The following ACCSL variants were observed in gnomAD, a reference collection of about 807,000 sequenced individuals.
The protein encoded by ACCSL is 1-aminocyclopropane-1-carboxylate synthase homolog (inactive) like.
In ACCSL, 55 loss-of-function variants were observed where a neutral mutation model predicts 61.7. The ratio of observed to expected loss-of-function variants is 0.89; its 90% CI spans 0.72 to 1.12. The LOEUF is 1.12. Among genes scored for constraint, ACCSL ranks in the 50% most tolerant of loss-of-function variants. The pLI, the probability that ACCSL is intolerant of heterozygous loss-of-function variation, is 0.00. For synonymous variants in ACCSL, 258 were observed against 264.3 expected, an observed-to-expected ratio of 0.98 and a Z score of 0.23; for missense variants, 632 against 698.0, an observed-to-expected ratio of 0.91 and a Z score of 1.07.
Position 44,048,550 on chromosome 11 carries a change from TGGGGTG to T in ACCSL, c.504+15_504+20del. On this transcript the variant is annotated intron_variant, in intron 1 of 13. Transcript: ENST00000378832. Reference sequence around the variant, plus strand: ...GGACAAGAACACCTTGGTGAGAATTTGGGGTGGGGGGTGGGCAGCATCCTCACGGGC... The same window carrying T: ...GGACAAGAACACCTTGGTGAGAATTTGGGGGTGGGCAGCATCCTCACGGGC... 1 of 273,132 alleles carries T rather than the reference TGGGGTG, an allele frequency of 3.7e-6. No homozygotes were observed. Among genetic ancestry groups the T allele is most frequent in the Non-Finnish European group, 6.0e-6 (1 of 166,648 alleles). The allele number at this position is 273,132 out of a possible 1,614,324, so 16.9% of individuals were successfully genotyped here. A position where few individuals can be genotyped will look rare whatever the true frequency, so the allele number is the denominator to read the frequency against.
At chr11:44,026,750 A>G in the ACCSL span, among the ~76,000 whole-genome samples, 355 of 150,496 alleles carry the variant, frequency 2.4e-3, no homozygotes, top group African/African-American at 8.4e-3. Context: ...TTTTTTTGAG[A>G]TGGAGTTTCA....
the ACCSL span, among the ~76,000 whole-genome samples, chr11:43,971,768 T>G: frequency 1.3e-4 from 20 of 152,270 alleles, no homozygotes; most frequent in South Asian, 3.9e-3. Context: ...TCTCATTGAC[T>G]CAAGCTGTCC....
intron 9 of ACCSL, 140 bp downstream of exon 9, chr11:44,055,431 G>A: frequency 1.7e-6 from 1 of 584,416 alleles, no homozygotes; most frequent in South Asian, 2.5e-5. Flanking sequence ...TACAAACAAA[G>A]CATCATCTTT....
At chr11:43,928,832 C>T in the ACCSL span, among the ~76,000 whole-genome samples, 1 of 152,252 alleles carries the variant, frequency 6.6e-6, no homozygotes, top group African/African-American at 2.4e-5. Context: ...TGGAAGCTGC[C>T]TTTCCGATAT....
the ACCSL span, among the ~76,000 whole-genome samples, chr11:44,007,902 G>A: frequency 0.18 from 27,541 of 151,988 alleles, 2,817 homozygotes; most frequent in East Asian, 0.35. Context: ...GGTGCAGTGA[G>A]ACCCGTCTCG....
At chr11:44,010,233 G>A in the ACCSL span, among the ~76,000 whole-genome samples, 2 of 152,098 alleles carry the variant, frequency 1.3e-5, no homozygotes, top group African/African-American at 2.4e-5. Context: ...CCAGCTACTC[G>A]GGAGGCTGAG....
chr11:44,057,876 G>C (rs747842149), intron 11 of ACCSL, among the ~76,000 whole-genome samples: 58 of 152,196 alleles, frequency 3.8e-4, no homozygotes, highest in Non-Finnish European at 2.1e-4. Flanking sequence ...ACTAGAGTTA[G>C]TCTTAGAAAT....
At chr11:44,052,864 G>C in intron 6 of ACCSL, 105 bp downstream of exon 6, 1 of 1,451,674 alleles carries the variant, frequency 6.9e-7, no homozygotes, top group Non-Finnish European at 9.7e-7. Flanking sequence ...TAAGTGGTTG[G>C]GTAGGGGTGG....
chr11:44,021,009 C>T, the ACCSL span, among the ~76,000 whole-genome samples: 10 of 151,982 alleles, frequency 6.6e-5, no homozygotes, highest in East Asian at 1.9e-3. Context: ...ATATGTATCA[C>T]ATTTTCTTTA....
chr11:44,055,366 G>A (rs1178604734), intron 9 of ACCSL, 75 bp downstream of exon 9: 3 of 1,171,124 alleles, frequency 2.6e-6, no homozygotes, highest in East Asian at 2.4e-5. Context: ...TATGTGACAT[G>A]AACTTAACTC....
the ACCSL span, among the ~76,000 whole-genome samples, chr11:43,973,400 T>C: frequency 6.8e-6 from 1 of 146,870 alleles, no homozygotes; most frequent in Non-Finnish European, 1.5e-5. Context: ...CTCTGTTCTT[T>C]GGTTTTGAGA....
At chr11:44,037,646 T>C in the ACCSL span, among the ~76,000 whole-genome samples, 1 of 152,236 alleles carries the variant, frequency 6.6e-6, no homozygotes. Flanking sequence ...GTTTTTCCAC[T>C]GGGTAAATCT....
At chr11:44,006,185 G>A in the ACCSL span, among the ~76,000 whole-genome samples, 2 of 152,206 alleles carry the variant, frequency 1.3e-5, no homozygotes, top group Non-Finnish European at 2.9e-5. Context: ...CCAGGGCCTG[G>A]CTAGACCCTT....
chr11:43,947,946 A>G, the ACCSL span, among the ~76,000 whole-genome samples: 1 of 152,156 alleles, frequency 6.6e-6, no homozygotes, highest in Non-Finnish European at 1.5e-5. Context: ...GGCCTGTCCA[A>G]GGAGTCACCT....
chr11:44,035,904 C>T, the ACCSL span, among the ~76,000 whole-genome samples: 2 of 142,128 alleles, frequency 1.4e-5, no homozygotes, highest in African/African-American at 5.3e-5. Context: ...CGCCATTGCA[C>T]TCCAGCCTGA....
chr11:43,949,377 C>T, the ACCSL span, among the ~76,000 whole-genome samples: 1 of 152,288 alleles, frequency 6.6e-6, no homozygotes, highest in South Asian at 2.1e-4. Flanking sequence ...CACAGAGTGG[C>T]CTCTGTGTAC....
chr11:44,049,533 G>T (rs1952622684), intron 1 of ACCSL, among the ~76,000 whole-genome samples: 1 of 151,958 alleles, frequency 6.6e-6, no homozygotes, highest in South Asian at 2.1e-4. Flanking sequence ...AGGGTGGAGG[G>T]TGACATTAGC....
the ACCSL span, among the ~76,000 whole-genome samples, chr11:43,942,031 CGTGCGT>C: frequency 0.082 from 9,365 of 114,414 alleles, 350 homozygotes; most frequent in South Asian, 0.12. Context: ...TGTTTGCATT[CGTGCGT>C]GTGTGTGTGT....
chr11:43,980,455 T>C, the ACCSL span, among the ~76,000 whole-genome samples: 1 of 151,694 alleles, frequency 6.6e-6, no homozygotes, highest in African/African-American at 2.4e-5. Flanking sequence ...TCATTGCCAA[T>C]TGAGCAATGT....
Sources: allele counts gnomAD v4.1 joint callset (sites outside exome capture counted in the v4.1 genomes callset), GRCh38; gene constraint gnomAD v4.1.1; transcripts MANE v1.5; gene names NCBI Gene and HGNC (gene_info 2026-07-23, HGNC 2026-07-21).